The following MACROD2 variants were observed in gnomAD, a reference collection of about 807,000 sequenced individuals.
MACROD2 encodes ADP-ribose glycohydrolase MACROD2.
Under a neutral mutation model 70.4 loss-of-function variants are expected in MACROD2, and 36 were observed. That is an observed-to-expected ratio of 0.51 (90% CI 0.39 to 0.68). The LOEUF is 0.68. Among genes scored for constraint, MACROD2 ranks in the 30% least tolerant of loss-of-function variants. The probability of loss-of-function intolerance (pLI) is 0.00; values close to 1 mark genes in which losing one functional copy is unlikely to be tolerated. For missense variants in MACROD2, 496 were observed against 538.4 expected, an observed-to-expected ratio of 0.92 and a Z score of 0.78; for synonymous variants, 172 against 178.8, an observed-to-expected ratio of 0.96 and a Z score of 0.30.
chr20:15,056,366 GC>G (rs60645794), intron 5 of MACROD2, among the ~76,000 whole-genome samples: 17,043 of 152,082 alleles, frequency 0.11, 2,406 homozygotes, highest in African/African-American at 0.32. Context: ...TACATGCCTT[GC>G]CCCAAGCACT....
intron 3 of MACROD2, among the ~76,000 whole-genome samples, chr20:14,146,559 C>G (rs2054946108): frequency 6.6e-6 from 1 of 152,120 alleles, no homozygotes; most frequent in Non-Finnish European, 1.5e-5. Flanking sequence ...GCTCCACAAT[C>G]CAGTTGCTGG....
Position 14,237,677 on chromosome 20 carries a change from T to A in MACROD2, c.271+151949T>A, listed in dbSNP as rs6079366. Among the ~76,000 whole-genome samples the A allele has an allele frequency of 8.6e-3, 1,304 of 151,544 alleles. 12 individuals are homozygous for A. Among genetic ancestry groups the A allele is most frequent in the Non-Finnish European group, 0.013 (885 of 67,854 alleles). ...ATTTAGCATTAGGTATATCTCCTAATGCTATCCCTCTCCCCTCCCCCCCAC... is the reference window on the plus strand; with the variant it reads ...ATTTAGCATTAGGTATATCTCCTAAAGCTATCCCTCTCCCCTCCCCCCCAC... On this transcript the variant is annotated intron_variant, in intron 3 of 17. Coordinates refer to ENST00000684519, the MANE Select transcript of MACROD2 (RefSeq NM_001351661.2).
chr20:14,104,108 G>T (rs2054337169), intron 3 of MACROD2, among the ~76,000 whole-genome samples: 2 of 152,152 alleles, frequency 1.3e-5, no homozygotes, highest in African/African-American at 4.8e-5. Flanking sequence ...ATCTCAAGGT[G>T]TAAGAGTATA....
chr20:14,227,275 C>T (rs1220804111), intron 3 of MACROD2, among the ~76,000 whole-genome samples: 2 of 152,188 alleles, frequency 1.3e-5, no homozygotes, highest in African/African-American at 2.4e-5. Flanking sequence ...AGCAGGCTGC[C>T]GGAGCCAGCA....
chr20:15,630,523 A>G (rs975372007), intron 8 of MACROD2, among the ~76,000 whole-genome samples: 2 of 152,166 alleles, frequency 1.3e-5, no homozygotes, highest in Non-Finnish European at 2.9e-5. Context: ...AGATGTCTCT[A>G]ATATGTCTTT....
At chr20:14,038,122 C>G (rs561185508) in intron 2 of MACROD2, among the ~76,000 whole-genome samples, 6 of 152,028 alleles carry the variant, frequency 3.9e-5, no homozygotes, top group Non-Finnish European at 7.4e-5. Flanking sequence ...GGTGAAACCC[C>G]GTCTCTACTA....
chr20:14,324,384 T>G (rs972093770), intron 3 of MACROD2: 2 of 152,680 alleles, frequency 1.3e-5, no homozygotes, highest in East Asian at 3.9e-4. Flanking sequence ...AATGTTACAT[T>G]ACGAGTTCAT....
At chr20:15,585,172 G>A (rs1001039701) in intron 8 of MACROD2, among the ~76,000 whole-genome samples, 5 of 151,734 alleles carry the variant, frequency 3.3e-5, no homozygotes, top group African/African-American at 1.2e-4. Context: ...TATCTGTGCT[G>A]GAGGGTTCTT....
intron 15 of MACROD2, among the ~76,000 whole-genome samples, chr20:16,034,632 T>C (rs1293347912): frequency 3.3e-5 from 5 of 152,044 alleles, no homozygotes; most frequent in African/African-American, 9.7e-5. Context: ...TTGTTTTTGG[T>C]ATTATATTCA....
At chr20:15,424,283 A>T (rs1022515932) in intron 6 of MACROD2, among the ~76,000 whole-genome samples, 2 of 152,230 alleles carry the variant, frequency 1.3e-5, no homozygotes, top group African/African-American at 4.8e-5. Context: ...TAAATGGGTA[A>T]TGTCCATCTG....
At chr20:14,593,652 G>T (rs1260167526) in intron 4 of MACROD2, among the ~76,000 whole-genome samples, 1 of 152,076 alleles carries the variant, frequency 6.6e-6, no homozygotes, top group Non-Finnish European at 1.5e-5. Flanking sequence ...CCAATTTTAT[G>T]CATTATTAAA....
chr20:14,549,588 T>A (rs993249362), intron 4 of MACROD2, among the ~76,000 whole-genome samples: 2 of 150,022 alleles, frequency 1.3e-5, no homozygotes, highest in Non-Finnish European at 3.0e-5. Context: ...TTACTTCTAC[T>A]TTTTTTTTTC....
At chr20:15,115,191 A>AT (rs568786358) in intron 5 of MACROD2, among the ~76,000 whole-genome samples, 22 of 151,874 alleles carry the variant, frequency 1.4e-4, no homozygotes, top group East Asian at 3.9e-4. Flanking sequence ...CACCTCATAC[A>AT]TTTTTTTGTC....
chr20:14,731,872 C>G lies in MACROD2; in HGVS notation c.418+46913C>G, dbSNP rs114867279. 1.6e-3 allele frequency among the ~76,000 whole-genome samples: 249 copies of G among 152,130 alleles called. 2 individuals are homozygous for G. The highest frequency in any genetic ancestry group is 5.4e-3 in the African/African-American group (224 of 41,518). On this transcript the variant is annotated intron_variant, in intron 5 of 17. Coordinates refer to ENST00000684519, the MANE Select transcript of MACROD2 (RefSeq NM_001351661.2). ...TAAAACCAGACATTAAAGATATTTG[C>G]AAAGATTTAAACAATGCCATTCTTC...
At chr20:14,666,707 ATG>A (rs1409928619) in intron 4 of MACROD2, among the ~76,000 whole-genome samples, 1 of 151,874 alleles carries the variant, frequency 6.6e-6, no homozygotes, top group African/African-American at 2.4e-5. Context: ...TAGAGATTTC[ATG>A]TGATATACTA....
At chr20:15,488,620 C>T (rs1308747008) in intron 7 of MACROD2, among the ~76,000 whole-genome samples, 1 of 152,122 alleles carries the variant, frequency 6.6e-6, no homozygotes, top group Non-Finnish European at 1.5e-5. Flanking sequence ...ACATGGTGTG[C>T]TTTATGTTTG....
chr20:14,408,335 T>TTTG (rs903250058), intron 3 of MACROD2, among the ~76,000 whole-genome samples: 7 of 152,108 alleles, frequency 4.6e-5, no homozygotes, highest in Admixed American at 6.6e-5. Context: ...GACCCAGCAG[T>TTTG]TTGTTTCTCA....
At chr20:16,007,571 A>G (rs2066805853) in intron 15 of MACROD2, among the ~76,000 whole-genome samples, 1 of 152,214 alleles carries the variant, frequency 6.6e-6, no homozygotes, top group African/African-American at 2.4e-5. Flanking sequence ...TTTTCAAATA[A>G]CTGATGCTTA....
chr20:14,482,092 G>A (rs558892784), intron 3 of MACROD2, among the ~76,000 whole-genome samples: 86 of 152,260 alleles, frequency 5.6e-4, no homozygotes, highest in South Asian at 1.0e-3. Context: ...AGCTGGTCAC[G>A]TCATGAGTTA....
Sources: gnomAD v4.1 joint callset for allele counts (sites outside exome capture counted in the v4.1 genomes callset) on GRCh38, gnomAD v4.1.1 for gene constraint, MANE v1.5 for transcripts, NCBI Gene and HGNC (gene_info 2026-07-23, HGNC 2026-07-21) for gene names.